Variants in CYBRD1 observed in about 807,000 individuals in gnomAD.
The protein encoded by CYBRD1 is plasma membrane ascorbate-dependent reductase CYBRD1.
In CYBRD1, 14 loss-of-function variants were observed where a neutral mutation model predicts 21.9. That is an observed-to-expected ratio of 0.64 (90% CI 0.42 to 1.00). CYBRD1 has a LOEUF of 1.00. Ranked by LOEUF, CYBRD1 falls within the 50% of genes least tolerant of loss-of-function variation. CYBRD1 has a pLI of 0.00. For missense variants in CYBRD1, 328 were observed against 352.5 expected (o/e 0.93, Z 0.56); for synonymous variants, 146 against 136.5 (o/e 1.07, Z -0.48).
intron 2 of CYBRD1, among the ~76,000 whole-genome samples, chr2:171,543,693 A>G (rs1412458261): frequency 6.6e-6 from 1 of 151,706 alleles, no homozygotes; most frequent in Non-Finnish European, 1.5e-5. Flanking sequence ...TATATTGTTT[A>G]ATTTTGCTTT....
At chr2:171,533,271 G>C (rs1343084983) in intron 1 of CYBRD1, among the ~76,000 whole-genome samples, 1 of 152,160 alleles carries the variant, frequency 6.6e-6, no homozygotes, top group Non-Finnish European at 1.5e-5. Flanking sequence ...GGAGGCTGAG[G>C]CATGAGAATT....
chr2:171,527,618 G>A (rs1697404287), intron 1 of CYBRD1, among the ~76,000 whole-genome samples: 1 of 152,126 alleles, frequency 6.6e-6, no homozygotes, highest in Non-Finnish European at 1.5e-5. Context: ...TTTATTCTGA[G>A]GCCTCTAGCT....
At chr2:171,524,058 T>G (rs1697350104) in intron 1 of CYBRD1, among the ~76,000 whole-genome samples, 1 of 152,212 alleles carries the variant, frequency 6.6e-6, no homozygotes, top group Non-Finnish European at 1.5e-5. Flanking sequence ...GATTTTGGCT[T>G]TTGTTTTTGT....
At chr2:171,522,253 G>A (rs1244006309), upstream of CYBRD1, 3 of 1,549,814 alleles carry the variant, frequency 1.9e-6, no homozygotes, top group Middle Eastern at 3.3e-4. The surrounding 1 kb of genome is among the most constrained non-coding windows in gnomAD (Gnocchi z 4.3). Context: ...GTCTGTTACT[G>A]AAGCCCTCTG....
intron 2 of CYBRD1, 70 bp downstream of exon 2, chr2:171,541,863 T>A: frequency 1.4e-4 from 60 of 429,940 alleles, no homozygotes; most frequent in Non-Finnish European, 1.9e-4. Context: ...TTTCTTTTCT[T>A]TTTTTTTTTT....
chr2:171,523,229 G>A (rs1450438308), intron 1 of CYBRD1: 1 of 399,894 alleles, frequency 2.5e-6, no homozygotes, highest in Non-Finnish European at 5.0e-6. Context: ...CTTGCTTCCA[G>A]GCTGCAGATG....
At position 171,555,934 on chromosome 2, in the gene CYBRD1, C is replaced by G. The variant is rs1683480046; in HGVS notation, c.*1107C>G. On this transcript the variant is annotated 3_prime_UTR_variant, in exon 4 of 4. Coordinates refer to ENST00000321348, the MANE Select transcript of CYBRD1 (RefSeq NM_024843.4). ...TGTCTTGTACTACTTTGACCCACCCCTGAATAAACCTCAATTGCTGGAGTG... is the reference window on the plus strand; with the variant it reads ...TGTCTTGTACTACTTTGACCCACCCGTGAATAAACCTCAATTGCTGGAGTG... The G allele has an allele frequency of 6.6e-6, 1 of 152,200 alleles. No homozygotes were observed. The highest frequency in any genetic ancestry group is 1.5e-5 in the Non-Finnish European group (1 of 68,040). The allele number at this position is 152,200 out of a possible 1,614,324, so 9.4% of individuals were successfully genotyped here. A position where few individuals can be genotyped will look rare whatever the true frequency, so the allele number is the denominator to read the frequency against.
intron 2 of CYBRD1, among the ~76,000 whole-genome samples, chr2:171,548,497 A>C (rs1290221566): frequency 6.6e-6 from 1 of 152,182 alleles, no homozygotes; most frequent in African/African-American, 2.4e-5. Flanking sequence ...AACACTCCGA[A>C]CATCTGGGTC....
upstream of CYBRD1, chr2:171,522,336 C>G: frequency 6.6e-7 from 1 of 1,520,314 alleles, no homozygotes; most frequent in Non-Finnish European, 8.8e-7. The surrounding 1 kb of genome is among the most constrained non-coding windows in gnomAD (Gnocchi z 4.3). Context: ...CGCGTGATCC[C>G]GGGGGTGGGG....
intron 2 of CYBRD1, among the ~76,000 whole-genome samples, chr2:171,551,672 TGTTTTTTTAGCCTTCTCCAAAATA>T (rs1320468273): frequency 6.6e-6 from 1 of 152,230 alleles, no homozygotes; most frequent in Non-Finnish European, 1.5e-5. Context: ...ATCCTGAGCC[TGTTTTTTTAGCCTTCTCCAAAATA>T]TTGCAAAGCT....
rs780551986 is a variant in CYBRD1 at position 171,522,778 on chromosome 2, G to A, written c.193+40G>A. 1 of 1,611,770 alleles carries A rather than the reference G, an allele frequency of 6.2e-7. No individual in the cohort carries two copies. Among genetic ancestry groups the A allele is most frequent in the Non-Finnish European group, 8.5e-7 (1 of 1,179,174 alleles). ...TGGGGGGGTGCGGGGAGGAAAGCGGGGAGAACGGCGGGGGCAGAGGGTCCT... is the reference window on the plus strand; with the variant it reads ...TGGGGGGGTGCGGGGAGGAAAGCGGAGAGAACGGCGGGGGCAGAGGGTCCT... On this transcript the variant is annotated intron_variant, in intron 1 of 3. Transcript: ENST00000321348. The surrounding 1 kb of genome is among the most constrained non-coding windows in gnomAD (Gnocchi z 4.3).
rs144735836 is a variant in CYBRD1, at chr2:171,557,972, T to G, written c.*3145T>G. On this transcript the variant is annotated 3_prime_UTR_variant, in exon 4 of 4. Transcript: ENST00000321348. ...TTATTGTTCTTTAATTCCTACAAGG[T>G]ACTCGAAAACCTTAAGTGAAAAAGA... The G allele has an allele frequency of 6.6e-6, 1 of 152,142 alleles. No individual in the cohort carries two copies. The highest frequency in any genetic ancestry group is 2.4e-5 in the African/African-American group (1 of 41,428). The allele number at this position is 152,142 out of a possible 1,614,324, so 9.4% of individuals were successfully genotyped here.
At chr2:171,523,152 C>T (rs774568467) in intron 1 of CYBRD1, 25 of 322,230 alleles carry the variant, frequency 7.8e-5, no homozygotes, top group Non-Finnish European at 1.4e-4. Flanking sequence ...CCCGGAAAGT[C>T]GCCCCTGTGG....
intron 1 of CYBRD1, among the ~76,000 whole-genome samples, chr2:171,534,615 A>C (rs1697519773): frequency 6.6e-6 from 1 of 152,190 alleles, no homozygotes; most frequent in Non-Finnish European, 1.5e-5. Flanking sequence ...TTTGCAGCAG[A>C]GCCTCTATGT....
intron 1 of CYBRD1, among the ~76,000 whole-genome samples, chr2:171,534,980 G>T (rs1278289567): frequency 6.6e-6 from 1 of 152,212 alleles, no homozygotes; most frequent in African/African-American, 2.4e-5. Context: ...GGCAGAAGTT[G>T]CAGTGAGCCA....
Position 171,525,947 on chromosome 2 carries a change from T to TA in CYBRD1, c.193+3234dup, listed in dbSNP as rs58388653. Among the ~76,000 whole-genome samples, 186 of 61,960 alleles carry TA rather than the reference T, an allele frequency of 3.0e-3. 2 individuals are homozygous for TA. The highest frequency in any genetic ancestry group is 3.7e-3 in the Non-Finnish European group (133 of 35,994). The allele number at this position is 61,960 out of a possible 152,430, so 40.6% of individuals were successfully genotyped here. ...GGGCAACAAGAGCGAAACTCCCGTC[T>TA]AAAAAAAAAAAAAAAAAAAAAAAAA... On this transcript the variant is annotated intron_variant, in intron 1 of 3. Transcript: ENST00000321348.
At chr2:171,554,424 GA>G in intron 3 of CYBRD1, 99 bp from the exon 4 acceptor site, 2 of 1,178,610 alleles carry the variant, frequency 1.7e-6, no homozygotes, top group South Asian at 2.9e-5. Context: ...AGTTTACATT[GA>G]AACTGTACTA....
intron 2 of CYBRD1, among the ~76,000 whole-genome samples, chr2:171,549,577 A>G (rs938598733): frequency 1.8e-4 from 27 of 152,232 alleles, no homozygotes; most frequent in Admixed American, 1.2e-3. Context: ...AAATAAAAAA[A>G]CAAAAAATGA....
chr2:171,532,084 C>T (rs1218236018), intron 1 of CYBRD1, among the ~76,000 whole-genome samples: 3 of 152,172 alleles, frequency 2.0e-5, no homozygotes, highest in Non-Finnish European at 4.4e-5. Context: ...CTCTGATTCT[C>T]TTTGACAGCC....
Sources: gnomAD v4.1 joint callset for allele counts (sites outside exome capture counted in the v4.1 genomes callset) on GRCh38, gnomAD v4.1.1 for gene constraint, Gnocchi (gnomAD v3.1) non-coding constraint, MANE v1.5 for transcripts, NCBI Gene and HGNC (gene_info 2026-07-23, HGNC 2026-07-21) for gene names.